Variants in CELF4 observed in about 807,000 individuals in gnomAD.
The protein encoded by CELF4 is CUGBP Elav-like family member 4.
Under a neutral mutation model 59.9 loss-of-function variants are expected in CELF4, and 18 were observed. The ratio of observed to expected loss-of-function variants is 0.30; its 90% CI spans 0.21 to 0.45. CELF4 has a LOEUF of 0.45. Among genes scored for constraint, CELF4 ranks in the 20% least tolerant of loss-of-function variants. The probability of loss-of-function intolerance (pLI) is 1.00; values close to 1 mark genes in which losing one functional copy is unlikely to be tolerated. For missense variants in CELF4, 456 were observed against 689.0 expected (o/e 0.66, Z 3.79); for synonymous variants, 261 against 267.1 (o/e 0.98, Z 0.22).
chr18:37,414,189 T>G (rs916589973), intron 2 of CELF4, among the ~76,000 whole-genome samples: 1 of 141,688 alleles, frequency 7.1e-6, no homozygotes, highest in Non-Finnish European at 1.5e-5. Flanking sequence ...TTTCCATTCA[T>G]TCATCTATCT....
At chr18:37,399,137 C>T (rs1274330727) in intron 2 of CELF4, among the ~76,000 whole-genome samples, 1 of 149,872 alleles carries the variant, frequency 6.7e-6, no homozygotes. Context: ...TTGTTGATCA[C>T]TGCTGTGGTT....
intron 2 of CELF4, among the ~76,000 whole-genome samples, chr18:37,324,066 C>A (rs1216067657): frequency 6.6e-6 from 1 of 152,086 alleles, no homozygotes; most frequent in Non-Finnish European, 1.5e-5. Context: ...AAATCTGGCC[C>A]CACCACCTCT....
chr18:37,554,279 GCT>G lies in CELF4; in HGVS notation c.286+11075_286+11076del, dbSNP rs533477872. ...GGAGGGAACGGCAGTGACCCGCAGG[GCT>G]CTTTGTCCCGCAGGCTGGATGTGAG... On this transcript the variant is annotated intron_variant, in intron 1 of 12. Transcript: ENST00000420428. 1.2e-3 allele frequency among the ~76,000 whole-genome samples: 177 copies of G among 152,292 alleles called. 1 individual carries two copies. The highest frequency in any genetic ancestry group is 4.2e-3 in the African/African-American group (174 of 41,570).
chr18:37,433,730 GA>G (rs1462661808), intron 2 of CELF4, among the ~76,000 whole-genome samples: 1 of 152,138 alleles, frequency 6.6e-6, no homozygotes, highest in Non-Finnish European at 1.5e-5. Flanking sequence ...TTCTGAGAGT[GA>G]GTCTGAGGAT....
chr18:37,498,953 C>T (rs775225449), intron 1 of CELF4, among the ~76,000 whole-genome samples: 6 of 152,170 alleles, frequency 3.9e-5, no homozygotes, highest in Non-Finnish European at 7.3e-5. Context: ...GGGAGTGTTA[C>T]TCTTGTTGTT....
intron 1 of CELF4, among the ~76,000 whole-genome samples, chr18:37,553,542 A>G (rs1210380583): frequency 2.0e-5 from 3 of 152,244 alleles, no homozygotes; most frequent in African/African-American, 7.2e-5. Flanking sequence ...GGAATTAAGA[A>G]TAAAAATCAC....
intron 3 of CELF4, among the ~76,000 whole-genome samples, chr18:37,289,879 A>T (rs941090433): frequency 2.0e-5 from 3 of 152,162 alleles, no homozygotes; most frequent in Non-Finnish European, 4.4e-5. Context: ...TTGGGTTCTA[A>T]GCCTGCAGAC....
intron 1 of CELF4, among the ~76,000 whole-genome samples, chr18:37,525,006 G>C (rs1450717753): frequency 6.6e-6 from 1 of 152,212 alleles, no homozygotes; most frequent in Non-Finnish European, 1.5e-5. Flanking sequence ...CTCTCCGCCT[G>C]CCCTCCTCCC....
In CELF4 at chr18:37,553,041, A is replaced by T. The variant is rs897062519; in HGVS notation, c.286+12315T>A. Among the ~76,000 whole-genome samples the T allele has an allele frequency of 2.6e-5, 4 of 152,384 alleles. No individual in the cohort carries two copies. In the East Asian group the frequency reaches 5.8e-4, roughly 22 times the overall value. On this transcript the variant is annotated intron_variant, in intron 1 of 12. Transcript: ENST00000420428. The stretch of plus-strand genomic sequence containing the variant: ...GGACCCAACTCAGCTGCCGGGTCCC[A>T]GGCTTCGCCGTTTGTTCCTCATTCC...
At chr18:37,259,496 G>A (rs1296125472) in intron 10 of CELF4, among the ~76,000 whole-genome samples, 1 of 152,214 alleles carries the variant, frequency 6.6e-6, no homozygotes, top group Admixed American at 6.5e-5. Flanking sequence ...GAACCTCTCT[G>A]TGCCTCAGTT....
intron 2 of CELF4, among the ~76,000 whole-genome samples, chr18:37,350,952 A>T (rs892072812): frequency 1.2e-4 from 19 of 152,030 alleles, no homozygotes; most frequent in Admixed American, 2.6e-4. Context: ...GGGAGCCCCC[A>T]CTCAGAGAGC....
intron 1 of CELF4, among the ~76,000 whole-genome samples, chr18:37,487,019 C>A (rs1227963267): frequency 6.6e-6 from 1 of 152,200 alleles, no homozygotes; most frequent in Non-Finnish European, 1.5e-5. Flanking sequence ...TGAGTGCTCG[C>A]TCTGTGCCAG....
intron 2 of CELF4, among the ~76,000 whole-genome samples, chr18:37,365,630 C>T (rs1046974467): frequency 2.6e-5 from 4 of 151,944 alleles, no homozygotes; most frequent in Admixed American, 2.0e-4. Context: ...GGATTACAGG[C>T]ATCCACCGCC....
At chr18:37,468,634 AC>A (rs1309417674) in intron 2 of CELF4, among the ~76,000 whole-genome samples, 3 of 152,126 alleles carry the variant, frequency 2.0e-5, no homozygotes, top group African/African-American at 7.2e-5. Flanking sequence ...ATAAAGACAT[AC>A]CTGAGACTGG....
chr18:37,565,330 A>C (rs976221247), intron 1 of CELF4, 26 bp downstream of exon 1: 2 of 1,462,086 alleles, frequency 1.4e-6, no homozygotes, highest in African/African-American at 2.9e-5. Flanking sequence ...CTCCCCGGCA[A>C]AGTTGGGAGG....
intron 2 of CELF4, among the ~76,000 whole-genome samples, chr18:37,464,880 G>A (rs1330508279): frequency 6.6e-6 from 1 of 152,200 alleles, no homozygotes; most frequent in Non-Finnish European, 1.5e-5. Flanking sequence ...GATGTTCTCA[G>A]ATGTTCTCCC....
chr18:37,289,574 G>T (rs562306951), intron 3 of CELF4, among the ~76,000 whole-genome samples: 11 of 151,284 alleles, frequency 7.3e-5, no homozygotes, highest in Non-Finnish European at 1.6e-4. Context: ...CCCACAGCCA[G>T]ACTCTGCTAT....
intron 3 of CELF4, among the ~76,000 whole-genome samples, chr18:37,303,984 C>A (rs2154467676): frequency 6.6e-6 from 1 of 152,358 alleles, no homozygotes; most frequent in South Asian, 2.1e-4. Context: ...CAGACACCTG[C>A]CTAGGCCTGT....
chr18:37,363,685 T>C (rs776254412), intron 2 of CELF4, among the ~76,000 whole-genome samples: 81 of 152,372 alleles, frequency 5.3e-4, no homozygotes, highest in Middle Eastern at 3.4e-3. Flanking sequence ...AATCAAGGCA[T>C]GTTATTTAGC....
Sources: gnomAD v4.1 joint callset for allele counts (sites outside exome capture counted in the v4.1 genomes callset) on GRCh38, gnomAD v4.1.1 for gene constraint, MANE v1.5 for transcripts, NCBI Gene and HGNC (gene_info 2026-07-23, HGNC 2026-07-21) for gene names.